ATOSA: variants seen among roughly 807,000 people sequenced by gnomAD.
The protein encoded by ATOSA is atos homolog A.
chr15:52,648,094 C>T, the ATOSA span, among the ~76,000 whole-genome samples: 33 of 152,146 alleles, frequency 2.2e-4, 1 homozygote, highest in Middle Eastern at 3.4e-3. Flanking sequence ...ACGTTTTTAA[C>T]GTAGAATAAC....
chr15:52,651,794 C>A, the ATOSA span: 2 of 1,406,476 alleles, frequency 1.4e-6, no homozygotes, highest in African/African-American at 1.4e-5. Flanking sequence ...AAGCAAGCAC[C>A]ACAGCCAACT....
chr15:52,694,805 A>G, the ATOSA span, among the ~76,000 whole-genome samples: 2 of 152,158 alleles, frequency 1.3e-5, no homozygotes, highest in Non-Finnish European at 2.9e-5. Flanking sequence ...CTGCTGCCAG[A>G]GTACTAAAAA....
At chr15:52,595,536 T>C in the ATOSA span, among the ~76,000 whole-genome samples, 1 of 148,246 alleles carries the variant, frequency 6.7e-6, no homozygotes, top group Non-Finnish European at 1.5e-5. Context: ...CTCAGTGCAG[T>C]ATGACAAGAA....
At chr15:52,606,892 G>C in the ATOSA span, among the ~76,000 whole-genome samples, 3 of 152,090 alleles carry the variant, frequency 2.0e-5, no homozygotes, top group Non-Finnish European at 4.4e-5. Flanking sequence ...AGGTACTTCA[G>C]AAGAAATTTT....
chr15:52,624,283 C>A, the ATOSA span, among the ~76,000 whole-genome samples: 1 of 152,166 alleles, frequency 6.6e-6, no homozygotes, highest in South Asian at 2.1e-4. Context: ...CCTCTCCTTT[C>A]CACCAACCCA....
chr15:52,677,999 C>G, the ATOSA span: 3 of 1,614,012 alleles, frequency 1.9e-6, no homozygotes, highest in Non-Finnish European at 2.5e-6. Flanking sequence ...TTAAACAAAT[C>G]ATTTACCTCG....
chr15:52,610,837 T>C, the ATOSA span, among the ~76,000 whole-genome samples: 3 of 152,198 alleles, frequency 2.0e-5, no homozygotes, highest in East Asian at 5.8e-4. Context: ...AACATAAAAA[T>C]TCAGCAGCTC....
chr15:52,662,905 G>T, the ATOSA span, among the ~76,000 whole-genome samples: 1 of 151,982 alleles, frequency 6.6e-6, no homozygotes, highest in African/African-American at 2.4e-5. Context: ...AAAATAAATG[G>T]AGAAGAAAAA....
the ATOSA span, among the ~76,000 whole-genome samples, chr15:52,703,326 T>C: frequency 6.6e-6 from 1 of 152,184 alleles, no homozygotes; most frequent in Non-Finnish European, 1.5e-5. Flanking sequence ...TTAAATTTTA[T>C]ATAGTTTATA....
the ATOSA span, among the ~76,000 whole-genome samples, chr15:52,697,350 T>C: frequency 0.54 from 82,832 of 152,090 alleles, 22,870 homozygotes; most frequent in Middle Eastern, 0.61. Context: ...TGTTATACAC[T>C]GCTTTTCACA....
chr15:52,589,726 T>C, the ATOSA span, among the ~76,000 whole-genome samples: 1 of 152,180 alleles, frequency 6.6e-6, no homozygotes, highest in Non-Finnish European at 1.5e-5. Context: ...GATCAGCATA[T>C]TAATATTTAT....
chr15:52,676,040 T>C, the ATOSA span, among the ~76,000 whole-genome samples: 3 of 152,262 alleles, frequency 2.0e-5, no homozygotes, highest in South Asian at 2.1e-4. Context: ...ACAAAAACTG[T>C]TGACAGCCAG....
the ATOSA span, among the ~76,000 whole-genome samples, chr15:52,612,702 A>C: frequency 2.0e-5 from 3 of 151,324 alleles, no homozygotes; most frequent in Admixed American, 6.6e-5. Context: ...ATGAGGTTTC[A>C]CTGTGTTGGC....
At chr15:52,662,581 T>G in the ATOSA span, among the ~76,000 whole-genome samples, 13 of 152,110 alleles carry the variant, frequency 8.5e-5, no homozygotes, top group East Asian at 9.7e-4. Flanking sequence ...CCATCCTGGC[T>G]AACACAGTGA....
chr15:52,646,055 C>A, the ATOSA span, among the ~76,000 whole-genome samples: 1 of 152,236 alleles, frequency 6.6e-6, no homozygotes, highest in African/African-American at 2.4e-5. Context: ...ACATTTTTAC[C>A]TCATGGGAAA....
the ATOSA span, among the ~76,000 whole-genome samples, chr15:52,623,170 G>T: frequency 6.6e-6 from 1 of 151,508 alleles, no homozygotes; most frequent in East Asian, 1.9e-4. Context: ...AAAAAAAAAG[G>T]TTTAGAAAGG....
chr15:52,631,842 A>G, the ATOSA span, among the ~76,000 whole-genome samples: 2 of 152,188 alleles, frequency 1.3e-5, no homozygotes, highest in African/African-American at 4.8e-5. Context: ...GACTCAAGTG[A>G]TCCTTCTACC....
At chr15:52,600,793 GT>G in the ATOSA span, among the ~76,000 whole-genome samples, 44 of 140,838 alleles carry the variant, frequency 3.1e-4, 1 homozygote, top group South Asian at 4.5e-4. Context: ...GGCCAAGGTT[GT>G]TTTTTTTTTT....
the ATOSA span, chr15:52,611,752 G>A: frequency 6.2e-7 from 1 of 1,613,904 alleles, no homozygotes; most frequent in Non-Finnish European, 8.5e-7. Context: ...TGTGACCTCA[G>A]ACCTAGTTCG....
Sources: allele counts gnomAD v4.1 joint callset (sites outside exome capture counted in the v4.1 genomes callset), GRCh38; gene constraint gnomAD v4.1.1; transcripts MANE v1.5; gene names NCBI Gene and HGNC (gene_info 2026-07-23, HGNC 2026-07-21).